The following VEPH1 variants were observed in gnomAD, a reference collection of about 807,000 sequenced individuals.
VEPH1 encodes ventricular zone-expressed PH domain-containing protein homolog 1.
In VEPH1, 80 loss-of-function variants were observed where a neutral mutation model predicts 85.2. The ratio of observed to expected loss-of-function variants is 0.94; its 90% CI spans 0.78 to 1.13. VEPH1 has a LOEUF of 1.13. Ranked by LOEUF, VEPH1 falls within the 50% of genes most tolerant of loss-of-function variation. The pLI is 0.00. For missense variants in VEPH1, 955 were observed against 980.5 expected (o/e 0.97, Z 0.35); for synonymous variants, 297 against 348.0 (o/e 0.85, Z 1.63).
intron 1 of VEPH1, among the ~76,000 whole-genome samples, chr3:157,497,319 GAC>G (rs1739741759): frequency 6.6e-6 from 1 of 152,158 alleles, no homozygotes; most frequent in Non-Finnish European, 1.5e-5. Flanking sequence ...CAGAGAGCAA[GAC>G]AGTCACAGGA....
intron 1 of VEPH1, among the ~76,000 whole-genome samples, chr3:157,500,237 A>G (rs920050579): frequency 6.6e-6 from 1 of 152,232 alleles, no homozygotes; most frequent in African/African-American, 2.4e-5. Flanking sequence ...TTAAACAGTT[A>G]ACAGTGCACT....
rs1412227641 is a variant in VEPH1 at position 157,503,385 on chromosome 3, C to A, written c.-266G>T. On this transcript the variant is annotated 5_prime_UTR_variant, in exon 1 of 14. Coordinates refer to ENST00000362010, the MANE Select transcript of VEPH1 (RefSeq NM_001167912.2). ...ATGCTCAGAGGCAGCCTTGCAGCTG[C>A]TGCCCAGTCCTGTGGGCTGCAGCCG... 6.6e-6 allele frequency: 1 copy of A among 152,220 alleles called. No homozygotes were observed. The highest frequency in any genetic ancestry group is 1.5e-5 in the Non-Finnish European group (1 of 68,048). 9.4% of individuals were successfully genotyped at this position (152,220 alleles called of 1,614,324 possible).
chr3:157,376,588 T>G (rs1443573455), intron 7 of VEPH1, among the ~76,000 whole-genome samples: 1 of 152,240 alleles, frequency 6.6e-6, no homozygotes, highest in African/African-American at 2.4e-5. Flanking sequence ...TGTCCTGTTA[T>G]TTAGCCTCTG....
At chr3:157,316,955 T>C in intron 10 of VEPH1, 107 bp downstream of exon 10, 5 of 1,147,812 alleles carry the variant, frequency 4.4e-6, no homozygotes, top group Non-Finnish European at 5.9e-6. Context: ...TATGTATTGC[T>C]GTTATCTACA....
chr3:157,365,757 A>G (rs1285381139), intron 7 of VEPH1, among the ~76,000 whole-genome samples: 2 of 152,160 alleles, frequency 1.3e-5, no homozygotes, highest in Non-Finnish European at 2.9e-5. Context: ...GAAGAGATGC[A>G]TAGGGCAAGG....
chr3:157,492,751 G>A (rs539543805), intron 2 of VEPH1, among the ~76,000 whole-genome samples: 123 of 152,184 alleles, frequency 8.1e-4, no homozygotes, highest in African/African-American at 2.7e-3. Context: ...CTCTTTGTCA[G>A]GGTTCTTTGA....
At chr3:157,333,848 ATT>A (rs373232421) in intron 9 of VEPH1, among the ~76,000 whole-genome samples, 1 of 151,560 alleles carries the variant, frequency 6.6e-6, no homozygotes, top group African/African-American at 2.4e-5. Context: ...GTCCGTTTAC[ATT>A]TTTTTTTCCC....
chr3:157,444,834 A>C (rs897070850), intron 4 of VEPH1, among the ~76,000 whole-genome samples: 44 of 152,240 alleles, frequency 2.9e-4, no homozygotes, highest in Non-Finnish European at 3.7e-4. Context: ...AGAAGAAAAT[A>C]AAATAATACT....
At chr3:157,467,110 A>AGT (rs1356618639) in intron 3 of VEPH1, among the ~76,000 whole-genome samples, 29 of 114,014 alleles carry the variant, frequency 2.5e-4, no homozygotes, top group African/African-American at 6.9e-4. Context: ...CAAAAAGAAA[A>AGT]GTGTGTGTGT....
chr3:157,491,047 G>T (rs948111640), intron 2 of VEPH1, among the ~76,000 whole-genome samples: 1 of 152,096 alleles, frequency 6.6e-6, no homozygotes, highest in Admixed American at 6.6e-5. Context: ...AAAATACTAT[G>T]CTGTAATTCA....
At chr3:157,374,868 T>C (rs1223672383) in intron 7 of VEPH1, among the ~76,000 whole-genome samples, 1 of 152,230 alleles carries the variant, frequency 6.6e-6, no homozygotes, top group Non-Finnish European at 1.5e-5. Flanking sequence ...TTGACATTCC[T>C]TTAATATTCT....
chr3:157,266,052 G>A (rs1713598515), intron 12 of VEPH1, among the ~76,000 whole-genome samples: 1 of 147,386 alleles, frequency 6.8e-6, no homozygotes, highest in African/African-American at 2.5e-5. Context: ...TATCTAGTAT[G>A]CCATAAGCTT....
chr3:157,283,177 T>A (rs1716362513), intron 12 of VEPH1, among the ~76,000 whole-genome samples: 1 of 152,234 alleles, frequency 6.6e-6, no homozygotes, highest in Non-Finnish European at 1.5e-5. Flanking sequence ...ATGATTGCTC[T>A]TGAAATTTCC....
Position 157,313,682 on chromosome 3 carries a change from TG to T in VEPH1, c.1948del (p.Gln650ArgfsTer12). 1 of 1,614,192 alleles carries T rather than the reference TG, an allele frequency of 6.2e-7. No individual in the cohort carries two copies. The highest frequency in any genetic ancestry group is 8.5e-7 in the Non-Finnish European group (1 of 1,180,026). On this transcript the variant is annotated frameshift_variant, in exon 11 of 14. Coordinates refer to ENST00000362010, the MANE Select transcript of VEPH1 (RefSeq NM_001167912.2). LOFTEE classifies it high-confidence loss of function. ...TTCAAAGCTGTGAGCACCCCCTGCCTGGGTCTTCTCCCACAGAGCTCTGAGG... is the reference window on the plus strand; with the variant it reads ...TTCAAAGCTGTGAGCACCCCCTGCCTGGTCTTCTCCCACAGAGCTCTGAGG... ...QFLRALWEKT[Q>X]AGGAHSFETA... is the part of the protein sequence containing the mutation.
intron 4 of VEPH1, among the ~76,000 whole-genome samples, chr3:157,458,710 A>T (rs1171753438): frequency 2.6e-5 from 4 of 152,192 alleles, no homozygotes; most frequent in Admixed American, 1.3e-4. Context: ...GGCTATTGTC[A>T]AGAAGGGTAT....
chr3:157,354,907 T>TA (rs1725259272), intron 9 of VEPH1, among the ~76,000 whole-genome samples: 1 of 152,154 alleles, frequency 6.6e-6, no homozygotes, highest in Non-Finnish European at 1.5e-5. Flanking sequence ...GGTAGGGAGA[T>TA]ATGTTTTCAA....
chr3:157,402,618 C>A (rs923704993), intron 6 of VEPH1, among the ~76,000 whole-genome samples: 1 of 151,996 alleles, frequency 6.6e-6, no homozygotes, highest in Non-Finnish European at 1.5e-5. Context: ...ATGTTTAGAC[C>A]TTTATAGGAT....
chr3:157,314,275 G>C (rs1357165783), intron 10 of VEPH1, among the ~76,000 whole-genome samples: 2 of 134,322 alleles, frequency 1.5e-5, no homozygotes, highest in Non-Finnish European at 3.1e-5. Flanking sequence ...AGAAGTTGCA[G>C]TGAGCCGAGA....
At chr3:157,334,217 A>C (rs1266290381) in intron 9 of VEPH1, among the ~76,000 whole-genome samples, 1 of 152,202 alleles carries the variant, frequency 6.6e-6, no homozygotes, top group Non-Finnish European at 1.5e-5. Context: ...TGAGAAAGTT[A>C]GGGGGCATTT....
Sources: allele counts gnomAD v4.1 joint callset (sites outside exome capture counted in the v4.1 genomes callset), GRCh38; gene constraint gnomAD v4.1.1; transcripts MANE v1.5; gene names NCBI Gene and HGNC (gene_info 2026-07-23, HGNC 2026-07-21).